Variants in TMEM163 observed in about 807,000 individuals in gnomAD.
TMEM163 encodes transmembrane protein 163.
TMEM163 carries 17 observed loss-of-function variants against 29.3 expected under a neutral mutation model. The ratio of observed to expected loss-of-function variants is 0.58; its 90% CI spans 0.40 to 0.87. TMEM163 has a LOEUF of 0.87. TMEM163 is among the 40% of genes least tolerant of loss of function. The pLI is 0.00. For missense variants in TMEM163, 303 were observed against 381.5 expected (o/e 0.79, Z 1.71); for synonymous variants, 157 against 160.6 (o/e 0.98, Z 0.17).
chr2:134,718,624 C>T, intron 1 of TMEM163, 110 bp downstream of exon 1: 1 of 833,326 alleles, frequency 1.2e-6, no homozygotes, highest in Non-Finnish European at 1.5e-6. Context: ...GGCTCCGCGC[C>T]CCCGCGCGCT....
In TMEM163 at chr2:134,498,843, G is replaced by A. The variant is rs1426084508; in HGVS notation, c.555+4058C>T. ...GAGTGTGGGGAGAAGACAGACAGGA[G>A]GCCGGAGCCAAAAAGCCAATGGGCA... On this transcript the variant is annotated intron_variant, in intron 5 of 7. Coordinates refer to ENST00000281924, the MANE Select transcript of TMEM163 (RefSeq NM_030923.5). 3.9e-5 allele frequency among the ~76,000 whole-genome samples: 6 copies of A among 152,342 alleles called. No homozygotes were observed. The East Asian group carries it at 1.2e-3, about 29-fold the overall frequency.
chr2:134,700,952 T>TA (rs1684690241), intron 2 of TMEM163, among the ~76,000 whole-genome samples: 1 of 56,620 alleles, frequency 1.8e-5, no homozygotes, highest in South Asian at 7.0e-4. Context: ...ATAAATAAAG[T>TA]AAAAAATAAA....
intron 5 of TMEM163, among the ~76,000 whole-genome samples, chr2:134,499,297 C>T (rs965523291): frequency 7.2e-5 from 11 of 152,172 alleles, no homozygotes; most frequent in Non-Finnish European, 4.4e-5. Flanking sequence ...ATAAAACAAA[C>T]AAAAATTAAG....
intron 5 of TMEM163, among the ~76,000 whole-genome samples, chr2:134,493,494 C>T (rs1440902554): frequency 1.3e-5 from 2 of 150,368 alleles, no homozygotes; most frequent in South Asian, 2.1e-4. Flanking sequence ...CTACCTCAGC[C>T]TCCCAAGTAG....
At chr2:134,492,212 T>C (rs1679445499) in intron 5 of TMEM163, among the ~76,000 whole-genome samples, 1 of 152,218 alleles carries the variant, frequency 6.6e-6, no homozygotes, top group Non-Finnish European at 1.5e-5. Flanking sequence ...GTACTGAGTG[T>C]ATGTGTCACA....
chr2:134,601,064 T>C (rs1682220241), intron 2 of TMEM163, among the ~76,000 whole-genome samples: 1 of 152,100 alleles, frequency 6.6e-6, no homozygotes, highest in Admixed American at 6.6e-5. Context: ...AGTAAAAATA[T>C]ATACTTTATA....
chr2:134,594,755 A>G (rs1292858824), intron 2 of TMEM163, among the ~76,000 whole-genome samples: 2 of 152,208 alleles, frequency 1.3e-5, no homozygotes, highest in Admixed American at 1.3e-4. Context: ...CAACTTCAGA[A>G]GGAAGCTTGG....
intron 5 of TMEM163, 37 bp from the exon 6 acceptor site, chr2:134,466,262 C>G: frequency 3.9e-6 from 6 of 1,551,104 alleles, no homozygotes; most frequent in Non-Finnish European, 5.3e-6. Context: ...CAGTTCACCT[C>G]CTGCTGGAGC....
chr2:134,613,476 A>G (rs1251068339), intron 2 of TMEM163, among the ~76,000 whole-genome samples: 1 of 152,220 alleles, frequency 6.6e-6, no homozygotes, highest in Non-Finnish European at 1.5e-5. Context: ...AAAATACTGA[A>G]AGCCAAAAAC....
At chr2:134,458,298 C>T (rs546086544) in intron 6 of TMEM163, 125 bp from the exon 7 acceptor site, 7 of 1,159,194 alleles carry the variant, frequency 6.0e-6, no homozygotes, top group East Asian at 5.1e-5. Context: ...AAAGCTCTCA[C>T]GAGTGATAGC....
At chr2:134,564,062 C>G (rs538569680) in intron 2 of TMEM163, among the ~76,000 whole-genome samples, 1 of 151,974 alleles carries the variant, frequency 6.6e-6, no homozygotes, top group Non-Finnish European at 1.5e-5. Flanking sequence ...GCAGCAGTGG[C>G]GGTGGCAGGG....
At chr2:134,520,721 T>G (rs1206409406) in intron 4 of TMEM163, among the ~76,000 whole-genome samples, 1 of 152,200 alleles carries the variant, frequency 6.6e-6, no homozygotes, top group Non-Finnish European at 1.5e-5. Context: ...ATTACTAACC[T>G]CTGACACAGC....
chr2:134,470,992 C>T (rs572309651), intron 5 of TMEM163, among the ~76,000 whole-genome samples: 3 of 152,108 alleles, frequency 2.0e-5, no homozygotes, highest in East Asian at 1.9e-4. Flanking sequence ...GGCAACATAG[C>T]GAGACCTGGT....
At position 134,460,092 on chromosome 2, in the gene TMEM163, T is replaced by G. The variant is rs2106471895; in HGVS notation, c.668-1919A>C. 3.0e-5 allele frequency among the ~76,000 whole-genome samples: 3 copies of G among 100,862 alleles called. No homozygotes were observed. The highest frequency in any genetic ancestry group is 5.3e-4 in the East Asian group (1 of 1,884). 66.2% of individuals were successfully genotyped at this position (100,862 alleles called of 152,430 possible). A position where few individuals can be genotyped will look rare whatever the true frequency, so the allele number is the denominator to read the frequency against. ...CAGATGTTACCCCCCCCCAAATTCA[T>G]TCTCACTCTCCCCGCTGATCCCTGC... is the stretch of plus-strand genomic sequence containing the variant. On this transcript the variant is annotated intron_variant, in intron 6 of 7. Transcript: ENST00000281924. The surrounding 1 kb of genome is among the most constrained non-coding windows in gnomAD (Gnocchi z 4.3).
At chr2:134,474,833 T>C (rs1174405996) in intron 5 of TMEM163, among the ~76,000 whole-genome samples, 1 of 152,148 alleles carries the variant, frequency 6.6e-6, no homozygotes, top group East Asian at 1.9e-4. Flanking sequence ...CTACAAAATA[T>C]TACGGAGATA....
chr2:134,532,882 G>C (rs666614), intron 4 of TMEM163, among the ~76,000 whole-genome samples: 90,959 of 152,002 alleles, frequency 0.6, 28,000 homozygotes, highest in East Asian at 0.85. Flanking sequence ...CAAAATTACA[G>C]ATCAGTGGCA....
intron 2 of TMEM163, among the ~76,000 whole-genome samples, chr2:134,636,962 A>G (rs1015774311): frequency 6.6e-6 from 1 of 152,186 alleles, no homozygotes; most frequent in Non-Finnish European, 1.5e-5. Context: ...CTTCTGACTC[A>G]CTGGCCCCCC....
At position 134,458,160 on chromosome 2, in the gene TMEM163, G is replaced by A. The variant is rs747957573; in HGVS notation, c.681C>T (p.Leu227=). 1.5e-5 allele frequency: 25 copies of A among 1,614,020 alleles called. No individual in the cohort carries two copies. The highest frequency in any genetic ancestry group is 4.4e-5 in the South Asian group (4 of 91,086). The part of the protein sequence containing the change: ...RALITDGFNS[L]VGGVMGFSIL... The stretch of plus-strand genomic sequence containing the variant: ...TGGAGAAGCCCATCACGCCACCCAC[G>A]AGGGAGTTAAACCCTGCAAAGGAAG... The change falls in exon 7 of 8, where the codon CTC becomes CTT. Residue 227 remains leucine (L), a synonymous_variant. Coordinates refer to ENST00000281924, the MANE Select transcript of TMEM163 (RefSeq NM_030923.5).
At chr2:134,657,245 G>GT (rs1276241957) in intron 2 of TMEM163, among the ~76,000 whole-genome samples, 49 of 152,214 alleles carry the variant, frequency 3.2e-4, no homozygotes, top group Non-Finnish European at 6.5e-4. Context: ...TGGTTGGTAG[G>GT]TTTTTTATTA....
Sources: allele counts gnomAD v4.1 joint callset (sites outside exome capture counted in the v4.1 genomes callset), GRCh38; gene constraint gnomAD v4.1.1; non-coding constraint Gnocchi (gnomAD v3.1); transcripts MANE v1.5; gene names NCBI Gene and HGNC (gene_info 2026-07-23, HGNC 2026-07-21).